The following EML6 variants were observed in gnomAD, a reference collection of about 807,000 sequenced individuals.
EML6 encodes the protein echinoderm microtubule-associated protein-like 6.
A neutral mutation model predicts 240.1 loss-of-function variants in EML6; 154 were observed. The observed-to-expected ratio is 0.64, with a 90% CI of 0.56 to 0.73. The LOEUF (loss-of-function observed/expected upper bound fraction) is 0.73, where lower values mean the gene tolerates loss of function less well. Among genes scored for constraint, EML6 ranks in the 30% least tolerant of loss-of-function variants. The pLI is 0.00. For missense variants in EML6, 2,964 were observed against 2,474.6 expected (o/e 1.20, Z -4.20); for synonymous variants, 1,148 against 899.0 (o/e 1.28, Z -4.95).
chr2:54,844,821 CCCAA>C (rs1346812736), intron 8 of EML6, among the ~76,000 whole-genome samples: 2 of 152,250 alleles, frequency 1.3e-5, no homozygotes, highest in East Asian at 1.9e-4. Context: ...CTTTTGAGAG[CCCAA>C]CTGGGTAAAA....
intron 11 of EML6, among the ~76,000 whole-genome samples, chr2:54,858,414 C>T (rs1039645009): frequency 1.3e-5 from 2 of 152,132 alleles, no homozygotes; most frequent in African/African-American, 2.4e-5. Flanking sequence ...GTATAAAGGT[C>T]AAGGAAGCAA....
At chr2:54,752,784 G>C (rs145639419) in intron 2 of EML6, among the ~76,000 whole-genome samples, 3,617 of 152,232 alleles carry the variant, frequency 0.024, 139 homozygotes, top group Admixed American at 0.11. Flanking sequence ...TATAAATAAT[G>C]CTTCTTTTTA....
At chr2:54,879,799 G>C (rs2103978448) in intron 17 of EML6, 159 bp downstream of exon 17, 1 of 609,126 alleles carries the variant, frequency 1.6e-6, no homozygotes, top group African/African-American at 1.9e-5. Flanking sequence ...ATTTCATGGT[G>C]CCAAACCTGA....
intron 6 of EML6, among the ~76,000 whole-genome samples, chr2:54,828,023 C>A (rs944134308): frequency 6.6e-6 from 1 of 152,218 alleles, no homozygotes; most frequent in Non-Finnish European, 1.5e-5. Context: ...TCATCAGATT[C>A]ATCTTATAGG....
chr2:54,899,849 A>G, intron 22 of EML6, 67 bp downstream of exon 22: 1 of 1,447,456 alleles, frequency 6.9e-7, no homozygotes, highest in Non-Finnish European at 9.3e-7. Context: ...ATATTTATTC[A>G]CTCAGTTAAT....
chr2:54,827,568 T>C lies in EML6; in HGVS notation c.528T>C (p.Phe176=), dbSNP rs1668657074. 1 of 1,551,122 alleles carries C rather than the reference T, an allele frequency of 6.4e-7. No individual in the cohort carries two copies. Among genetic ancestry groups the C allele is most frequent in the Admixed American group, 2.0e-5 (1 of 50,984 alleles). ...CTATTTTATCACTTACATTGTAGTT[T>C]TGGACACTGTGTGGAAATGCCCTGA... ...VVSCGVKHIK[F]WTLCGNALTA... is the part of the protein sequence containing the mutation. The change falls in exon 6 of 42, where the codon TTT becomes TTC. Residue 176 remains phenylalanine, a splice_region_variant and synonymous_variant. Transcript: ENST00000356458.
intron 16 of EML6, among the ~76,000 whole-genome samples, chr2:54,874,895 A>T (rs1465100944): frequency 1.3e-5 from 2 of 152,188 alleles, no homozygotes; most frequent in Non-Finnish European, 2.9e-5. Context: ...GGTAAAAGTG[A>T]ACAGTGGCCG....
chr2:54,752,657 C>T (rs963223319), intron 2 of EML6, among the ~76,000 whole-genome samples: 5 of 152,140 alleles, frequency 3.3e-5, no homozygotes, highest in Admixed American at 2.0e-4. Context: ...GTATAGTATT[C>T]TACTGTGTGA....
chr2:54,821,455 A>G lies in EML6; in HGVS notation c.525+993A>G, dbSNP rs1026358753. ...CACGTCTAAAATTTACAAATGTATC[A>G]TTTATCTCCAAATTTATATTTGGTA... On this transcript the variant is annotated intron_variant, in intron 5 of 41. Coordinates refer to ENST00000356458, the MANE Select transcript of EML6 (RefSeq NM_001039753.4). Among the ~76,000 whole-genome samples the G allele has an allele frequency of 2.6e-5, 4 of 152,276 alleles. No individual in the cohort carries two copies. The East Asian group carries it at 7.7e-4, about 29-fold the overall frequency.
chr2:54,941,036 A>G (rs1315709692), intron 28 of EML6, among the ~76,000 whole-genome samples: 1 of 152,252 alleles, frequency 6.6e-6, no homozygotes, highest in Non-Finnish European at 1.5e-5. Context: ...ATCACCGTAT[A>G]TAAGTAATCC....
chr2:54,844,685 A>G (rs932082779), intron 8 of EML6, among the ~76,000 whole-genome samples: 7 of 152,232 alleles, frequency 4.6e-5, no homozygotes, highest in Non-Finnish European at 8.8e-5. Flanking sequence ...CACATGAATA[A>G]GCTATTATTT....
intron 3 of EML6, 106 bp downstream of exon 3, chr2:54,813,497 C>T: frequency 2.1e-6 from 2 of 955,016 alleles, no homozygotes; most frequent in Non-Finnish European, 1.6e-6. Context: ...CTTGCTGGTT[C>T]TTCTGGCACA....
chr2:54,959,770 A>G (rs1676409169), intron 34 of EML6, among the ~76,000 whole-genome samples: 1 of 152,160 alleles, frequency 6.6e-6, no homozygotes, highest in South Asian at 2.1e-4. Flanking sequence ...CTCAAAATAA[A>G]TTAATAAATT....
chr2:54,840,157 A>G (rs1466438677), intron 7 of EML6, among the ~76,000 whole-genome samples: 2 of 152,212 alleles, frequency 1.3e-5, no homozygotes, highest in Non-Finnish European at 2.9e-5. Flanking sequence ...ATACAGCTCC[A>G]GGCCCTTGGG....
At chr2:54,943,631 C>G (rs1007992406) in intron 28 of EML6, among the ~76,000 whole-genome samples, 7 of 152,126 alleles carry the variant, frequency 4.6e-5, no homozygotes, top group African/African-American at 1.7e-4. Flanking sequence ...TGACTCTCCT[C>G]TCTCTGTCTT....
At chr2:54,830,658 G>C (rs920836670) in intron 7 of EML6, among the ~76,000 whole-genome samples, 3 of 152,168 alleles carry the variant, frequency 2.0e-5, no homozygotes, top group Non-Finnish European at 4.4e-5. Context: ...AGGACTGGGA[G>C]AAAACAGCCT....
chr2:54,903,426 C>T lies in EML6; in HGVS notation c.3333C>T (p.Asn1111=), dbSNP rs369124825. 7.7e-6 allele frequency: 12 copies of T among 1,551,590 alleles called. No individual in the cohort carries two copies. The highest frequency in any genetic ancestry group is 2.0e-5 in the Admixed American group (1 of 50,990). The change falls in exon 24 of 42, where the codon AAC becomes AAT. Residue 1111 remains asparagine, a synonymous_variant. Coordinates refer to ENST00000356458, the MANE Select transcript of EML6 (RefSeq NM_001039753.4). ...ATGATAACTTTGTGGATATTTACAA[C>T]GTACTTACAAGCAAAAGGGTTGGCA... is the stretch of plus-strand genomic sequence containing the variant. ...ASHDNFVDIY[N]VLTSKRVGIC... is the part of the protein sequence containing the mutation.
At chr2:54,860,227 C>G (rs577417043) in intron 12 of EML6, among the ~76,000 whole-genome samples, 2 of 152,336 alleles carry the variant, frequency 1.3e-5, no homozygotes, top group South Asian at 4.1e-4. Flanking sequence ...AGTGCCCTAA[C>G]TCTAGGTTAC....
At chr2:54,963,923 T>C in intron 36 of EML6, 63 bp from the exon 37 acceptor site, 2 of 1,452,450 alleles carry the variant, frequency 1.4e-6, no homozygotes, top group South Asian at 1.4e-5. Flanking sequence ...TGGTGCAGAA[T>C]GTCTCCTGGA....
Sources: allele counts gnomAD v4.1 joint callset (sites outside exome capture counted in the v4.1 genomes callset), GRCh38; gene constraint gnomAD v4.1.1; transcripts MANE v1.5; gene names NCBI Gene and HGNC (gene_info 2026-07-23, HGNC 2026-07-21).